ANK1: variants seen among roughly 807,000 people sequenced by gnomAD.
ANK1 encodes ankyrin 1, also known as ankyrin-1.
ANK1 carries 51 observed loss-of-function variants against 210.4 expected under a neutral mutation model. The ratio of observed to expected loss-of-function variants is 0.24; its 90% CI spans 0.19 to 0.31. The LOEUF (loss-of-function observed/expected upper bound fraction) is 0.31, where lower values mean the gene tolerates loss of function less well. Among genes scored for constraint, ANK1 ranks in the 10% least tolerant of loss-of-function variants. The pLI is 1.00. For synonymous variants in ANK1, 967 were observed against 1,025.9 expected, an observed-to-expected ratio of 0.94 and a Z score of 1.10; for missense variants, 2,051 against 2,504.4, an observed-to-expected ratio of 0.82 and a Z score of 3.86.
intron 1 of ANK1, among the ~76,000 whole-genome samples, chr8:41,895,097 T>G (rs1180961214): frequency 6.6e-6 from 1 of 152,162 alleles, no homozygotes; most frequent in Non-Finnish European, 1.5e-5. Flanking sequence ...TGACCAACTG[T>G]CAAGGGGTGT....
At chr8:41,857,905 A>AAAATAAATAAATAAAT (rs112696006) in intron 1 of ANK1, among the ~76,000 whole-genome samples, 1,878 of 150,926 alleles carry the variant, frequency 0.012, 46 homozygotes, top group African/African-American at 0.044. Context: ...CTCCATCTCA[A>AAAATAAATAAATAAAT]AAATAAATAA....
At position 41,802,967 on chromosome 8, in the gene ANK1, G is replaced by C. The variant is rs1360753389; in HGVS notation, c.127-44830C>G. ...AGAGAAAGGGGGGGGGGGAGAGAGA[G>C]AGAGATGAAAAAAGAAAGAGAGAAA... On this transcript the variant is annotated intron_variant, in intron 1 of 42. Transcript: ENST00000265709. 1.6e-4 allele frequency among the ~76,000 whole-genome samples: 17 copies of C among 103,506 alleles called. 1 individual carries two copies. The highest frequency in any genetic ancestry group is 2.9e-4 in the Non-Finnish European group (14 of 47,640). 67.9% of individuals were successfully genotyped at this position (103,506 alleles called of 152,430 possible).
intron 6 of ANK1, among the ~76,000 whole-genome samples, chr8:41,725,151 GAA>G (rs1830353773): frequency 6.6e-6 from 1 of 152,244 alleles, no homozygotes; most frequent in South Asian, 2.1e-4. Context: ...TCCAGAGCCT[GAA>G]GGCAGGCCTA....
intron 2 of ANK1, among the ~76,000 whole-genome samples, chr8:41,749,859 G>T (rs372082922): frequency 2.8e-4 from 42 of 152,098 alleles, no homozygotes; most frequent in African/African-American, 9.9e-4. Context: ...TGATCTGCCC[G>T]CCTCGGCTTC....
chr8:41,719,023 C>T lies in ANK1; in HGVS notation c.1107+638G>A, dbSNP rs948696402. On this transcript the variant is annotated intron_variant, in intron 10 of 42. Transcript: ENST00000289734. ...AATGAATGAGCCATCCTCTGCCATC[C>T]CTGGAGGATATCCTGCCCCTCAGTT... Among the ~76,000 whole-genome samples, 3 of 152,284 alleles carry T rather than the reference C, an allele frequency of 2.0e-5. No individual in the cohort carries two copies. In the South Asian group the frequency reaches 6.2e-4, roughly 32 times the overall value.
rs1289306868 is a variant in ANK1 at position 41,717,006 on chromosome 8, C to T, written c.1351G>A (p.Glu451Lys). ...LHMAARAGHT[E>K]VAKYLLQNKA... Reference sequence around the variant, plus strand: ...TTCTGGAGTAAATATTTGGCCACTTCCGTGTGCCCGGCTCTGGCTGCCATG... The same window carrying T: ...TTCTGGAGTAAATATTTGGCCACTTTCGTGTGCCCGGCTCTGGCTGCCATG... The change falls in exon 13 of 43, where the codon GAA becomes AAA. Residue 451 changes from glutamate to lysine, a missense_variant. Around this residue, in one of 6 missense-constraint regions of ANK1, gnomAD observed 1,413 missense variants for 1,707.4 expected, o/e 0.83. Transcript: ENST00000289734. 1.2e-6 allele frequency: 2 copies of T among 1,614,234 alleles called. No individual in the cohort carries two copies. Among genetic ancestry groups the T allele is most frequent in the Non-Finnish European group, 1.7e-6 (2 of 1,180,034 alleles).
intron 24 of ANK1, 105 bp downstream of exon 24, chr8:41,697,938 G>T: frequency 2.0e-6 from 2 of 1,018,312 alleles, no homozygotes; most frequent in Non-Finnish European, 1.5e-6. Context: ...TGGCATGTGA[G>T]CTATTAGTGC....
chr8:41,713,756 C>T (rs1211899558), intron 16 of ANK1, among the ~76,000 whole-genome samples: 1 of 152,194 alleles, frequency 6.6e-6, no homozygotes, highest in Non-Finnish European at 1.5e-5. Context: ...GGCTTCCAGG[C>T]CACACTGCAC....
intron 1 of ANK1, among the ~76,000 whole-genome samples, chr8:41,787,029 T>C (rs1429728188): frequency 1.3e-5 from 2 of 152,198 alleles, no homozygotes; most frequent in Admixed American, 1.3e-4. Context: ...ATTTTTCCAC[T>C]CCACATGTAT....
chr8:41,759,655 T>A (rs1416189310), intron 1 of ANK1, among the ~76,000 whole-genome samples: 1 of 152,222 alleles, frequency 6.6e-6, no homozygotes, highest in African/African-American at 2.4e-5. Context: ...ATGCAAACAC[T>A]ATATCACTTT....
chr8:41,748,587 T>C (rs1193163860), intron 2 of ANK1, among the ~76,000 whole-genome samples: 1 of 152,204 alleles, frequency 6.6e-6, no homozygotes, highest in African/African-American at 2.4e-5. Context: ...CCCAGTTCTG[T>C]ACTCGGAGAC....
At chr8:41,764,062 G>A (rs1194489148) in intron 1 of ANK1, among the ~76,000 whole-genome samples, 2 of 151,510 alleles carry the variant, frequency 1.3e-5, no homozygotes, top group Admixed American at 6.6e-5. Context: ...CCTATTTCAG[G>A]ACCAATATCC....
At chr8:41,884,522 T>C in intron 1 of ANK1, among the ~76,000 whole-genome samples, 1 of 151,966 alleles carries the variant, frequency 6.6e-6, no homozygotes, top group East Asian at 1.9e-4. Flanking sequence ...GAAAGCTTCC[T>C]GGAGGAGGTG....
At chr8:41,746,168 G>A (rs998532012) in intron 2 of ANK1, among the ~76,000 whole-genome samples, 1 of 152,202 alleles carries the variant, frequency 6.6e-6, no homozygotes, top group Non-Finnish European at 1.5e-5. Flanking sequence ...CTCGTTCTGC[G>A]GGGCCATACC....
chr8:41,697,949 C>A, intron 24 of ANK1, 94 bp downstream of exon 24: 5 of 1,141,370 alleles, frequency 4.4e-6, no homozygotes, highest in Non-Finnish European at 6.5e-6. Flanking sequence ...CTATTAGTGC[C>A]TATTGTGCTA....
At chr8:41,732,066 T>C (rs1158705240) in intron 3 of ANK1, among the ~76,000 whole-genome samples, 1 of 152,250 alleles carries the variant, frequency 6.6e-6, no homozygotes, top group Non-Finnish European at 1.5e-5. Flanking sequence ...TAAGATCTTT[T>C]CACATTCAGG....
At chr8:41,805,392 C>T (rs1850815380) in intron 1 of ANK1, among the ~76,000 whole-genome samples, 2 of 152,014 alleles carry the variant, frequency 1.3e-5, no homozygotes, top group South Asian at 4.2e-4. Context: ...CAGGTTTGTG[C>T]CACTGTACCC....
intron 2 of ANK1, among the ~76,000 whole-genome samples, chr8:41,739,300 C>T (rs1240396789): frequency 6.6e-6 from 1 of 152,210 alleles, no homozygotes; most frequent in East Asian, 1.9e-4. Flanking sequence ...CTTTTGTTTT[C>T]AGCATTTCAT....
At chr8:41,762,594 A>G (rs57466991) in intron 1 of ANK1, among the ~76,000 whole-genome samples, 24,204 of 152,142 alleles carry the variant, frequency 0.16, 2,308 homozygotes, top group South Asian at 0.23. Context: ...GGGGCAGGAA[A>G]TATTTCAGAA....
Sources: allele counts gnomAD v4.1 joint callset (sites outside exome capture counted in the v4.1 genomes callset), GRCh38; gene constraint gnomAD v4.1.1; regional missense constraint gnomAD v4.1.1; transcripts MANE v1.5; gene names NCBI Gene and HGNC (gene_info 2026-07-23, HGNC 2026-07-21).